Variants in ATP2B4 observed in about 807,000 individuals in gnomAD.
ATP2B4 encodes the protein ATPase plasma membrane Ca2+ transporting 4.
Under a neutral mutation model 110.3 loss-of-function variants are expected in ATP2B4, and 39 were observed. The ratio of observed to expected loss-of-function variants is 0.35; its 90% CI spans 0.27 to 0.46. The LOEUF (loss-of-function observed/expected upper bound fraction) is 0.46. ATP2B4 is among the 20% of genes least tolerant of loss of function. The pLI is 1.00. For synonymous variants in ATP2B4, 538 were observed against 571.7 expected (o/e 0.94, Z 0.84); for missense variants, 1,135 against 1,530.9 (o/e 0.74, Z 4.32).
At chr1:203,661,965 T>G (rs1048203526) in intron 1 of ATP2B4, among the ~76,000 whole-genome samples, 3 of 152,150 alleles carry the variant, frequency 2.0e-5, no homozygotes, top group Non-Finnish European at 4.4e-5. Flanking sequence ...CTCTTCTTCC[T>G]TCTCCTATTT....
chr1:203,642,590 T>C (rs751424819), intron 1 of ATP2B4, among the ~76,000 whole-genome samples: 1 of 152,228 alleles, frequency 6.6e-6, no homozygotes, highest in Non-Finnish European at 1.5e-5. Flanking sequence ...CTTATATTGA[T>C]ATAGCAAAGA....
At position 203,683,346 on chromosome 1, in the gene ATP2B4, C is replaced by T. The variant is rs760514100; in HGVS notation, c.141C>T (p.His47=). 1 of 1,614,154 alleles carries T rather than the reference C, an allele frequency of 6.2e-7. No homozygotes were observed. The highest frequency in any genetic ancestry group is 8.5e-7 in the Non-Finnish European group (1 of 1,180,026). The stretch of plus-strand genomic sequence containing the variant: ...ATGCACTGACCCAGATTAATGTCCA[C>T]TATGGAGGTGTACAGAATCTCTGCA... The part of the protein sequence containing the change: ...SRDALTQINV[H]YGGVQNLCSR... The change falls in exon 2 of 21, where the codon CAC becomes CAT. Residue 47 remains histidine, a synonymous_variant. Transcript: ENST00000357681.
At chr1:203,690,372 T>G (rs961210427) in intron 2 of ATP2B4, among the ~76,000 whole-genome samples, 2 of 152,202 alleles carry the variant, frequency 1.3e-5, no homozygotes, top group African/African-American at 4.8e-5. Flanking sequence ...GACTATTGCC[T>G]TACTATTAAT....
intron 1 of ATP2B4, among the ~76,000 whole-genome samples, chr1:203,632,229 A>G (rs1484320897): frequency 2.0e-5 from 3 of 152,126 alleles, no homozygotes; most frequent in African/African-American, 7.2e-5. Context: ...AAGAATGACT[A>G]GGAGCCCTGT....
At chr1:203,702,431 T>C (rs1317485258) in intron 7 of ATP2B4, among the ~76,000 whole-genome samples, 2 of 152,150 alleles carry the variant, frequency 1.3e-5, no homozygotes, top group African/African-American at 2.4e-5. Flanking sequence ...GTTGGAAGAC[T>C]TCAGGGTCCT....
At chr1:203,721,910 C>G (rs1212622015) in intron 17 of ATP2B4, among the ~76,000 whole-genome samples, 2 of 152,010 alleles carry the variant, frequency 1.3e-5, no homozygotes, top group Non-Finnish European at 2.9e-5. Flanking sequence ...ATCTGCCCAC[C>G]TCAGCCCCCC....
chr1:203,702,071 G>A lies in ATP2B4; in HGVS notation c.929G>A (p.Arg310His), dbSNP rs1336481498. The A allele has an allele frequency of 6.8e-6, 11 of 1,613,882 alleles. No individual in the cohort carries two copies. Among genetic ancestry groups the A allele is most frequent in the South Asian group, 2.2e-5 (2 of 91,038 alleles). ...KGKKQGVPEN[R>H]NKAKTQDGVA... ...AAAAAACAAGGAGTCCCTGAAAATC[G>A]CAACAAAGGTAACCTCTCCAACTAC... Residue 310 changes from arginine (R) to histidine (H), a missense_variant, in exon 7 of 21, where the codon CGC becomes CAC. Arg to His is a conservative substitution (Grantham distance 29). Around this residue, in one of 9 missense-constraint regions of ATP2B4, gnomAD observed 162 missense variants for 210.5 expected, o/e 0.77. Coordinates refer to ENST00000357681, the MANE Select transcript of ATP2B4 (RefSeq NM_001684.5).
At position 203,699,626 on chromosome 1, in the gene ATP2B4, G is replaced by A; in HGVS notation, c.558G>A (p.Gln186=). ...QFRGLQCRIE[Q]EQKFSIIRNG... is the part of the protein sequence containing the mutation. ...GGGGGCTGCAGTGCCGCATTGAACA[G>A]GAGCAAAAGTTCTCCATCATCCGAA... The change falls in exon 4 of 21, where the codon CAG becomes CAA. Residue 186 remains glutamine (Q), a synonymous_variant. Coordinates refer to ENST00000357681, the MANE Select transcript of ATP2B4 (RefSeq NM_001684.5). 5 of 1,614,190 alleles carry A rather than the reference G, an allele frequency of 3.1e-6. No individual in the cohort carries two copies. Among genetic ancestry groups the A allele is most frequent in the Non-Finnish European group, 3.4e-6 (4 of 1,180,042 alleles).
At chr1:203,727,816 G>A in intron 20 of ATP2B4, 1 of 490,720 alleles carries the variant, frequency 2.0e-6, no homozygotes, top group Non-Finnish European at 3.6e-6. Context: ...TTAGCTCTGG[G>A]TTGACCCTAA....
Position 203,691,740 on chromosome 1 carries a change from A to C in ATP2B4, c.194-6417A>C, listed in dbSNP as rs1261116062. On this transcript the variant is annotated intron_variant, in intron 2 of 20. Transcript: ENST00000357681. ...TGTATTAAACTGGAGGTGCTGAAGCAGGGAAACTGCTGTATACTCGGAAGA... is the reference window on the plus strand; with the variant it reads ...TGTATTAAACTGGAGGTGCTGAAGCCGGGAAACTGCTGTATACTCGGAAGA... Among the ~76,000 whole-genome samples the C allele has an allele frequency of 2.0e-5, 3 of 152,358 alleles. No individual in the cohort carries two copies. In the East Asian group the frequency reaches 5.8e-4, roughly 29 times the overall value.
At chr1:203,636,099 C>A (rs1200287909) in intron 1 of ATP2B4, among the ~76,000 whole-genome samples, 1 of 152,246 alleles carries the variant, frequency 6.6e-6, no homozygotes, top group Non-Finnish European at 1.5e-5. Context: ...TTTGAGGAGA[C>A]AGGTCCCAGG....
In ATP2B4 at chr1:203,698,056, G is replaced by T. The variant is rs1193474561; in HGVS notation, c.194-101G>T. ...GCGTCTCTCTCTGTTGCCCAGGCTA[G>T]AGTGTAATGACATGATCATGGCTCA... is the stretch of plus-strand genomic sequence containing the variant. On this transcript the variant is annotated intron_variant, in intron 2 of 20. Coordinates refer to ENST00000357681, the MANE Select transcript of ATP2B4 (RefSeq NM_001684.5). The T allele has an allele frequency of 3.1e-6, 3 of 965,774 alleles. No homozygotes were observed. The African/African-American group carries it at 4.9e-5, about 16-fold the overall frequency. The allele number at this position is 965,774 out of a possible 1,614,324, so 59.8% of individuals were successfully genotyped here.
At chr1:203,668,655 C>T (rs886880832) in intron 1 of ATP2B4, among the ~76,000 whole-genome samples, 2 of 152,132 alleles carry the variant, frequency 1.3e-5, no homozygotes, top group African/African-American at 2.4e-5. Context: ...CATCCGTGAC[C>T]CCAGTGACAC....
rs768436340 is a variant in ATP2B4 at position 203,709,570 on chromosome 1, C to T, written c.1799+28C>T. 3 of 1,613,086 alleles carry T rather than the reference C, an allele frequency of 1.9e-6. No homozygotes were observed. In the East Asian group the frequency reaches 6.7e-5, roughly 36 times the overall value. On this transcript the variant is annotated intron_variant, in intron 11 of 20. Transcript: ENST00000357681. ...GAGCACCCCCGACCACTCTGCTTCC[C>T]TTCAAGATCCTCTCCTCAGGAAGGC...
In ATP2B4 at chr1:203,740,096, T is replaced by C. The variant is rs148663876; in HGVS notation, c.*242T>C. 3.2e-4 allele frequency: 160 copies of C among 501,344 alleles called. 1 individual carries two copies. Among genetic ancestry groups the C allele is most frequent in the South Asian group, 5.8e-4 (19 of 32,992 alleles). The allele number at this position is 501,344 out of a possible 1,614,324, so 31.1% of individuals were successfully genotyped here. On this transcript the variant is annotated 3_prime_UTR_variant, in exon 21 of 21. Transcript: ENST00000357681. ...AAACCCCATTCAGGTCATGGTAGAATCTACTCCTTGGTAGTCACTTGTCAT... is the reference window on the plus strand; with the variant it reads ...AAACCCCATTCAGGTCATGGTAGAACCTACTCCTTGGTAGTCACTTGTCAT...
chr1:203,684,604 T>C (rs918763421), intron 2 of ATP2B4, among the ~76,000 whole-genome samples: 2 of 151,384 alleles, frequency 1.3e-5, no homozygotes, highest in African/African-American at 4.9e-5. Flanking sequence ...GTGATCTGCC[T>C]GCCTTGGCCT....
intron 6 of ATP2B4, among the ~76,000 whole-genome samples, chr1:203,701,810 A>G (rs1571739492): frequency 6.6e-6 from 1 of 152,184 alleles, no homozygotes; most frequent in Non-Finnish European, 1.5e-5. Flanking sequence ...CACCTCAGGT[A>G]TGAGTATGCA....
rs1475493362 is a variant in ATP2B4 at position 203,700,804 on chromosome 1, A to C, written c.782A>C (p.His261Pro). ...DKDPMLLSGT[H>P]VMEGSGRMVV... ...CTTCTCCTTTCCCGTGTAGGGACCC[A>C]TGTCATGGAAGGTTCTGGCCGGATG... Residue 261 changes from histidine (H) to proline (P), a missense_variant, in exon 6 of 21, where the codon CAT (histidine) becomes CCT (proline). Physicochemically the swap from His to Pro is moderately conservative, Grantham distance 77. Transcript: ENST00000357681. 6.2e-7 allele frequency: 1 copy of C among 1,613,428 alleles called. No individual in the cohort carries two copies. Among genetic ancestry groups the C allele is most frequent in the South Asian group, 1.1e-5 (1 of 91,050 alleles).
chr1:203,722,722 C>T (rs374466990), intron 18 of ATP2B4, 33 bp downstream of exon 18: 1 of 1,604,834 alleles, frequency 6.2e-7, no homozygotes, highest in Non-Finnish European at 8.5e-7. Flanking sequence ...GGCAGGAGAT[C>T]TGGAATGATA....
Sources: allele counts gnomAD v4.1 joint callset (sites outside exome capture counted in the v4.1 genomes callset), GRCh38; gene constraint gnomAD v4.1.1; regional missense constraint gnomAD v4.1.1; transcripts MANE v1.5; gene names NCBI Gene and HGNC (gene_info 2026-07-23, HGNC 2026-07-21).